The following PTPN14 variants were observed in gnomAD, a reference collection of about 807,000 sequenced individuals.
The protein encoded by PTPN14 is tyrosine-protein phosphatase non-receptor type 14.
A neutral mutation model predicts 126.8 loss-of-function variants in PTPN14; 53 were observed. That is an observed-to-expected ratio of 0.42 (90% CI 0.34 to 0.53). PTPN14 has a LOEUF of 0.53. Ranked by LOEUF, PTPN14 falls within the 20% of genes least tolerant of loss-of-function variation. The pLI is 0.08. For missense variants in PTPN14, 1,257 were observed against 1,552.9 expected (o/e 0.81, Z 3.20); for synonymous variants, 630 against 599.3 (o/e 1.05, Z -0.75).
At chr1:214,500,790 G>A (rs549776486) in intron 1 of PTPN14, among the ~76,000 whole-genome samples, 21 of 152,234 alleles carry the variant, frequency 1.4e-4, no homozygotes, top group African/African-American at 5.1e-4. Flanking sequence ...GCCAGCAAAT[G>A]ACTGCCCTGA....
intron 3 of PTPN14, among the ~76,000 whole-genome samples, chr1:214,420,453 T>G (rs1032912837): frequency 2.0e-5 from 3 of 152,036 alleles, no homozygotes; most frequent in East Asian, 1.9e-4. Flanking sequence ...AATTATTTCC[T>G]AAAAAGGATA....
At chr1:214,437,132 T>C (rs1659939266) in intron 3 of PTPN14, among the ~76,000 whole-genome samples, 1 of 152,182 alleles carries the variant, frequency 6.6e-6, no homozygotes, top group Admixed American at 6.5e-5. Flanking sequence ...GAAATAATGT[T>C]TTCACAACCT....
chr1:214,517,217 T>C (rs1651099615), intron 1 of PTPN14, among the ~76,000 whole-genome samples: 1 of 152,220 alleles, frequency 6.6e-6, no homozygotes, highest in African/African-American at 2.4e-5. Context: ...CCTCCATTTC[T>C]GTGAAGGCAT....
intron 1 of PTPN14, chr1:214,528,626 T>C (rs1420439124): frequency 1.3e-5 from 2 of 152,154 alleles, no homozygotes; most frequent in African/African-American, 2.4e-5. Flanking sequence ...ATTCTTGAGA[T>C]ACTTTAAGAA....
intron 1 of PTPN14, among the ~76,000 whole-genome samples, chr1:214,520,920 C>T (rs1190569966): frequency 6.6e-6 from 1 of 152,050 alleles, no homozygotes; most frequent in East Asian, 1.9e-4. Context: ...TTACCCCAGG[C>T]CAGTGTCTCT....
chr1:214,429,682 G>GA (rs777681978), intron 3 of PTPN14, among the ~76,000 whole-genome samples: 1 of 152,132 alleles, frequency 6.6e-6, no homozygotes, highest in Non-Finnish European at 1.5e-5. Flanking sequence ...AACAATGAAT[G>GA]AAAAATCCTT....
At chr1:214,401,885 G>A (rs1377641064) in intron 6 of PTPN14, 113 bp from the exon 7 acceptor site, 2 of 830,062 alleles carry the variant, frequency 2.4e-6, no homozygotes, top group South Asian at 1.6e-5. Context: ...TCTGGGAAGA[G>A]CAATCATTAC....
chr1:214,410,218 G>A (rs1399520597), intron 5 of PTPN14, among the ~76,000 whole-genome samples: 1 of 151,564 alleles, frequency 6.6e-6, no homozygotes, highest in African/African-American at 2.4e-5. Context: ...TCGCTGCCCA[G>A]ACCAATGTCA....
intron 1 of PTPN14, among the ~76,000 whole-genome samples, chr1:214,499,540 T>C (rs555668666): frequency 1.3e-5 from 2 of 152,330 alleles, no homozygotes; most frequent in South Asian, 2.1e-4. Flanking sequence ...CTTTTAAAAT[T>C]TGCATCATGT....
At chr1:214,517,340 A>G (rs975333079) in intron 1 of PTPN14, among the ~76,000 whole-genome samples, 1 of 152,126 alleles carries the variant, frequency 6.6e-6, no homozygotes, top group African/African-American at 2.4e-5. Context: ...AGGATCCTAA[A>G]TGGAGAAGGG....
chr1:214,449,011 C>CTTTTTTTTTTATTT, intron 3 of PTPN14, among the ~76,000 whole-genome samples: 1 of 112,440 alleles, frequency 8.9e-6, no homozygotes, highest in Non-Finnish European at 1.8e-5. Context: ...CTTAATTTTT[C>CTTTTTTTTTTATTT]TTTTTTTTTT....
chr1:214,436,412 T>A (rs1016716976), intron 3 of PTPN14, among the ~76,000 whole-genome samples: 3 of 149,896 alleles, frequency 2.0e-5, no homozygotes, highest in Middle Eastern at 3.4e-3. Context: ...TAAAAAAAAA[T>A]ACAGTTTTCT....
intron 1 of PTPN14, chr1:214,529,958 T>C (rs1468185164): frequency 6.6e-6 from 1 of 152,194 alleles, no homozygotes; most frequent in African/African-American, 2.4e-5. Context: ...TTTAAAAAGC[T>C]ATTCCTTGCA....
intron 3 of PTPN14, among the ~76,000 whole-genome samples, chr1:214,432,682 T>A (rs1659821689): frequency 6.6e-6 from 1 of 152,182 alleles, no homozygotes; most frequent in South Asian, 2.1e-4. Flanking sequence ...AAAATGTTGA[T>A]CAATGAAGTA....
chr1:214,445,407 G>T lies in PTPN14; in HGVS notation c.344+6398C>A, dbSNP rs547000320. 2.0e-5 allele frequency among the ~76,000 whole-genome samples: 3 copies of T among 152,256 alleles called. No homozygotes were observed. In the South Asian group the frequency reaches 6.2e-4, roughly 32 times the overall value. On this transcript the variant is annotated intron_variant, in intron 3 of 18. Transcript: ENST00000366956. ...GTGCTCACCATTAATAGGGTGGACAGCCCCACCCAAACAGGCAGGCTACTA... is the reference window on the plus strand; with the variant it reads ...GTGCTCACCATTAATAGGGTGGACATCCCCACCCAAACAGGCAGGCTACTA...
At chr1:214,382,622 A>G (rs1658500172) in intron 13 of PTPN14, among the ~76,000 whole-genome samples, 1 of 152,220 alleles carries the variant, frequency 6.6e-6, no homozygotes, top group African/African-American at 2.4e-5. Context: ...GTCCCCCACC[A>G]TACCTGGCTC....
chr1:214,367,614 T>G (rs1658112450), intron 17 of PTPN14, among the ~76,000 whole-genome samples: 1 of 152,176 alleles, frequency 6.6e-6, no homozygotes, highest in Admixed American at 6.5e-5. Context: ...TTCCACTAGC[T>G]GGAGAGTCAA....
chr1:214,541,417 C>CT lies in PTPN14; in HGVS notation c.-155+9765dup, dbSNP rs1571659223. ...GTGTGATCAAGAGCTATGCAGAGCC[C>CT]TGACTGTGTTCACACCTGATCTCAC... On this transcript the variant is annotated intron_variant, in intron 1 of 18. Coordinates refer to ENST00000366956, the MANE Select transcript of PTPN14 (RefSeq NM_005401.5). Among the ~76,000 whole-genome samples the CT allele has an allele frequency of 3.3e-5, 5 of 152,256 alleles. No individual in the cohort carries two copies. In the East Asian group the frequency reaches 9.7e-4, roughly 29 times the overall value.
chr1:214,405,475 T>C (rs930542611), intron 5 of PTPN14, among the ~76,000 whole-genome samples: 4 of 152,166 alleles, frequency 2.6e-5, no homozygotes, highest in Non-Finnish European at 4.4e-5. Context: ...AAGTGATCAA[T>C]ACATGCTTCT....
Sources: allele counts gnomAD v4.1 joint callset (sites outside exome capture counted in the v4.1 genomes callset), GRCh38; gene constraint gnomAD v4.1.1; transcripts MANE v1.5; gene names NCBI Gene and HGNC (gene_info 2026-07-23, HGNC 2026-07-21).